LMTK3: variants seen among roughly 807,000 people sequenced by gnomAD.
LMTK3 encodes the protein serine/threonine-protein kinase LMTK3.
LMTK3 carries 27 observed loss-of-function variants against 116.7 expected under a neutral mutation model. The observed-to-expected ratio is 0.23, with a 90% confidence interval of 0.17 to 0.32. The LOEUF is 0.32. Ranked by LOEUF, LMTK3 falls within the 10% of genes least tolerant of loss-of-function variation. The pLI, the probability that LMTK3 is intolerant of heterozygous loss-of-function variation, is 1.00. For missense variants in LMTK3, 1,764 were observed against 2,068.5 expected (o/e 0.85, Z 2.86); for synonymous variants, 965 against 971.0 (o/e 0.99, Z 0.11).
rs934308050 is a variant in LMTK3, at chr19:48,497,728, C to T, written c.3341G>A (p.Arg1114Gln). Residue 1114 changes from arginine to glutamine, a missense_variant, in exon 11 of 15, where the codon CGA becomes CAA. By Grantham distance (43) the Arg-to-Gln change is conservative. Transcript: ENST00000600059. This position sits in a 1 kb window ranked among gnomAD's most constrained non-coding sequence, Gnocchi z 5.7. Reference protein sequence around the residue: ...AGRLDLGSGGRAPVGTGTAPG... With the variant: ...AGRLDLGSGGQAPVGTGTAPG... The stretch of plus-strand genomic sequence containing the variant: ...GGCCGTCCCCGTGCCCACTGGGGCT[C>T]GGCCCCCACTCCCGAGGTCCAGCCT... 7.5e-6 allele frequency: 10 copies of T among 1,337,450 alleles called. No individual in the cohort carries two copies. In the African/African-American group the frequency reaches 9.2e-5, roughly 12 times the overall value. The allele number at this position is 1,337,450 out of a possible 1,614,324, so 82.8% of individuals were successfully genotyped here.
Position 48,491,778 on chromosome 19 carries a change from A to G in LMTK3, c.4093-239T>C, listed in dbSNP as rs572679942. On this transcript the variant is annotated intron_variant, in intron 12 of 14. Coordinates refer to ENST00000600059, the MANE Select transcript of LMTK3 (RefSeq NM_001388485.1). The surrounding 1 kb of genome is among the most constrained non-coding windows in gnomAD (Gnocchi z 5.1). ...CTTTCCTGACAGCGGAGCCCCGCGC[A>G]CAGCTAAGTAGCCCAACGCAGGGAT... Among the ~76,000 whole-genome samples, 3 of 152,266 alleles carry G rather than the reference A, an allele frequency of 2.0e-5. No homozygotes were observed. The South Asian group carries it at 6.2e-4, about 32-fold the overall frequency.
intron 5 of LMTK3, among the ~76,000 whole-genome samples, chr19:48,506,257 G>GA (rs768345320): frequency 1.7e-3 from 234 of 135,110 alleles, no homozygotes; most frequent in Middle Eastern, 4.0e-3. Flanking sequence ...AGTGAGCCTT[G>GA]AAAAAAAAAA....
At chr19:48,502,014 C>A (rs886665232) in intron 7 of LMTK3, among the ~76,000 whole-genome samples, 1 of 119,186 alleles carries the variant, frequency 8.4e-6, no homozygotes, top group African/African-American at 3.3e-5. Context: ...CTCTCCTGGA[C>A]CCTCCCCTAT....
chr19:48,501,473 C>T lies in LMTK3; in HGVS notation c.879+5G>A, dbSNP rs780288775. 7.4e-6 allele frequency: 12 copies of T among 1,612,582 alleles called. No individual in the cohort carries two copies. In the Admixed American group the frequency reaches 1.7e-4, roughly 22 times the overall value. On this transcript the variant is annotated splice_donor_5th_base_variant and intron_variant, in intron 8 of 14. Coordinates refer to ENST00000600059, the MANE Select transcript of LMTK3 (RefSeq NM_001388485.1). ...AGCCCCCATCCCGACGGAAGGAAGC[C>T]CTACCTTGTAGTTGCTGTGGGCCAG...
rs1010011382 is a variant in LMTK3, at chr19:48,498,805, G to T, written c.2264C>A (p.Pro755His). ...GGGGGCCCGAGGAGGTGGCGGCGGG[G>T]GGGGGGGAGCGGGAGGTGGCCCCCG... Reference protein sequence around the residue: ...PGRGPPPAPPPPPPPPRAPAD... With the variant: ...PGRGPPPAPPHPPPPPRAPAD... The change falls in exon 11 of 15, where the codon CCC becomes CAC. Residue 755 changes from proline (P) to histidine (H), a missense_variant. By Grantham distance (77) the Pro-to-His change is moderately conservative. This residue lies in a region of LMTK3 where 1,028 missense variants were observed against 1,050.6 expected (regional missense o/e 0.98). Coordinates refer to ENST00000600059, the MANE Select transcript of LMTK3 (RefSeq NM_001388485.1). 20 of 1,231,160 alleles carry T rather than the reference G, an allele frequency of 1.6e-5. No individual in the cohort carries two copies. The highest frequency in any genetic ancestry group is 6.5e-5 in the African/African-American group (4 of 61,868). 76.3% of individuals were successfully genotyped at this position (1,231,160 alleles called of 1,614,324 possible).
In LMTK3 at chr19:48,511,491, A is replaced by G; in HGVS notation, c.76+10T>C. On this transcript the variant is annotated intron_variant, in intron 1 of 14. Transcript: ENST00000600059. ...GGCCACCGGACAGACTGATGGCCCGACAGACTCACCGGGGTGGGCCGGGGA... is the reference window on the plus strand; with the variant it reads ...GGCCACCGGACAGACTGATGGCCCGGCAGACTCACCGGGGTGGGCCGGGGA... 3.0e-6 allele frequency: 4 copies of G among 1,346,430 alleles called. No individual in the cohort carries two copies. The highest frequency in any genetic ancestry group is 3.9e-6 in the Non-Finnish European group (4 of 1,031,000). 83.4% of individuals were successfully genotyped at this position (1,346,430 alleles called of 1,614,324 possible).
Position 48,500,873 on chromosome 19 carries a change from C to T in LMTK3, c.1151+123G>A. The T allele has an allele frequency of 6.1e-6, 6 of 975,746 alleles. No individual in the cohort carries two copies. The highest frequency in any genetic ancestry group is 8.7e-6 in the Non-Finnish European group (6 of 687,994). 60.4% of individuals were successfully genotyped at this position (975,746 alleles called of 1,614,324 possible). A position where few individuals can be genotyped will look rare whatever the true frequency, so the allele number is the denominator to read the frequency against. ...GGCAGAAAGGGTGGGGACAGCCCCTCTTCACTCTTGAGGGGTATGGAGGGC... is the reference window on the plus strand; with the variant it reads ...GGCAGAAAGGGTGGGGACAGCCCCTTTTCACTCTTGAGGGGTATGGAGGGC... On this transcript the variant is annotated intron_variant, in intron 10 of 14. Transcript: ENST00000600059. The surrounding 1 kb of genome is among the most constrained non-coding windows in gnomAD (Gnocchi z 4.0).
rs961394486 is a variant in LMTK3, at chr19:48,497,636, G to A, written c.3433C>T (p.Pro1145Ser). 1 of 1,299,754 alleles carries A rather than the reference G, an allele frequency of 7.7e-7. No homozygotes were observed. Among genetic ancestry groups the A allele is most frequent in the African/African-American group, 1.5e-5 (1 of 64,868 alleles). The allele number at this position is 1,299,754 out of a possible 1,614,324, so 80.5% of individuals were successfully genotyped here. The change falls in exon 11 of 15, where the codon CCA becomes TCA. Residue 1145 changes from proline to serine, a missense_variant. Physicochemically the swap from Pro to Ser is moderately conservative, Grantham distance 74 (BLOSUM62 -1). This residue lies in a region of LMTK3 where 1,028 missense variants were observed against 1,050.6 expected (regional missense o/e 0.98). Transcript: ENST00000600059. This position sits in a 1 kb window ranked among gnomAD's most constrained non-coding sequence, Gnocchi z 5.7. ...AGWVDNTRPQPPPPPLPPPPE... is the reference protein window; with the variant it reads ...AGWVDNTRPQSPPPPLPPPPE... ...GGCGGTGGCAGCGGTGGCGGCGGTGGCTGCGGCCTCGTGTTGTCTACCCAT... is the reference window on the plus strand; with the variant it reads ...GGCGGTGGCAGCGGTGGCGGCGGTGACTGCGGCCTCGTGTTGTCTACCCAT...
At position 48,494,584 on chromosome 19, in the gene LMTK3, C is replaced by T. The variant is rs978664884; in HGVS notation, c.3677-475G>A. ...GACCTTATGATCTGCCCTCTTTGGCCTCCCAAAGTGCTGGGATTACAGGCA... is the reference window on the plus strand; with the variant it reads ...GACCTTATGATCTGCCCTCTTTGGCTTCCCAAAGTGCTGGGATTACAGGCA... On this transcript the variant is annotated intron_variant, in intron 11 of 14. Coordinates refer to ENST00000600059, the MANE Select transcript of LMTK3 (RefSeq NM_001388485.1). The surrounding 1 kb of genome is among the most constrained non-coding windows in gnomAD (Gnocchi z 4.0). Among the ~76,000 whole-genome samples the T allele has an allele frequency of 3.9e-5, 6 of 152,150 alleles. No individual in the cohort carries two copies. The highest frequency in any genetic ancestry group is 1.4e-4 in the African/African-American group (6 of 41,418).
In LMTK3 at chr19:48,499,518, C is replaced by A. The variant is rs1355469918; in HGVS notation, c.1551G>T (p.Ala517=). The change falls in exon 11 of 15, where the codon GCG becomes GCT. Residue 517 remains alanine (A), a synonymous_variant. Coordinates refer to ENST00000600059, the MANE Select transcript of LMTK3 (RefSeq NM_001388485.1). ...HANPSNPFYE[A]LSTPSVLPVI... ...CAGGCAGCACGCTGGGCGTGGACAG[C>A]GCCTCGTAGAAAGGGTTGGAGGGGT... 5 of 1,475,440 alleles carry A rather than the reference C, an allele frequency of 3.4e-6. No homozygotes were observed. Among genetic ancestry groups the A allele is most frequent in the Non-Finnish European group, 4.5e-6 (5 of 1,112,940 alleles). 91.4% of individuals were successfully genotyped at this position (1,475,440 alleles called of 1,614,324 possible).
At chr19:48,493,461 G>T (rs1371258441) in intron 12 of LMTK3, among the ~76,000 whole-genome samples, 1 of 94,500 alleles carries the variant, frequency 1.1e-5, no homozygotes, top group Middle Eastern at 8.8e-3. Flanking sequence ...TCCAGGCCCC[G>T]CATCACTCCA....
Position 48,491,614 on chromosome 19 carries a change from C to T in LMTK3, c.4093-75G>A. On this transcript the variant is annotated intron_variant, in intron 12 of 14. Coordinates refer to ENST00000600059, the MANE Select transcript of LMTK3 (RefSeq NM_001388485.1). This position sits in a 1 kb window ranked among gnomAD's most constrained non-coding sequence, Gnocchi z 5.1. ...CATTTACCGCATCCCCCAAAAGCAA[C>T]AAAACCGGCTAATATTTCTGGGGCT... 8.2e-7 allele frequency: 1 copy of T among 1,222,528 alleles called. No homozygotes were observed. The highest frequency in any genetic ancestry group is 3.1e-5 in the East Asian group (1 of 31,810). The allele number at this position is 1,222,528 out of a possible 1,614,324, so 75.7% of individuals were successfully genotyped here.
Position 48,499,769 on chromosome 19 carries a change from G to A in LMTK3, c.1300C>T (p.Pro434Ser). Residue 434 changes from proline (P) to serine (S), a missense_variant, in exon 11 of 15, where the codon CCC becomes TCC. Physicochemically the swap from Pro to Ser is moderately conservative, Grantham distance 74. Coordinates refer to ENST00000600059, the MANE Select transcript of LMTK3 (RefSeq NM_001388485.1). ...GGCGCACTGTGTGCAGGGGGCCAGGGCCAGGGGAAGGGACCGTCTCGGGGT... is the reference window on the plus strand; with the variant it reads ...GGCGCACTGTGTGCAGGGGGCCAGGACCAGGGGAAGGGACCGTCTCGGGGT... ...PPPRDGPFPWPWPPAHSAPRP... is the reference protein window; with the variant it reads ...PPPRDGPFPWSWPPAHSAPRP... 6.6e-7 allele frequency: 1 copy of A among 1,505,506 alleles called. No homozygotes were observed. Among genetic ancestry groups the A allele is most frequent in the Non-Finnish European group, 8.9e-7 (1 of 1,118,688 alleles). The allele number at this position is 1,505,506 out of a possible 1,614,324, so 93.3% of individuals were successfully genotyped here. A position where few individuals can be genotyped will look rare whatever the true frequency, so the allele number is the denominator to read the frequency against.
intron 5 of LMTK3, among the ~76,000 whole-genome samples, chr19:48,503,929 G>T (rs545143042): frequency 6.5e-4 from 98 of 150,558 alleles, no homozygotes; most frequent in African/African-American, 2.3e-3. Flanking sequence ...GTGCAATGGA[G>T]TGATCTCAGC....
Position 48,491,386 on chromosome 19 carries a change from C to T in LMTK3, c.4228+18G>A, listed in dbSNP as rs1224451268. The T allele has an allele frequency of 1.5e-6, 2 of 1,377,174 alleles. No individual in the cohort carries two copies. Among genetic ancestry groups the T allele is most frequent in the Non-Finnish European group, 1.9e-6 (2 of 1,063,726 alleles). 85.3% of individuals were successfully genotyped at this position (1,377,174 alleles called of 1,614,324 possible). A position where few individuals can be genotyped will look rare whatever the true frequency, so the allele number is the denominator to read the frequency against. The stretch of plus-strand genomic sequence containing the variant: ...CCATGGCTCCCGCCCCCTCCCGCCC[C>T]ATAGGGCCCGTCCTCACCAAAGCCG... On this transcript the variant is annotated intron_variant, in intron 13 of 14. Transcript: ENST00000600059. This position sits in a 1 kb window ranked among gnomAD's most constrained non-coding sequence, Gnocchi z 5.1.
Position 48,510,095 on chromosome 19 carries a change from G to A in LMTK3, c.289C>T (p.Leu97=), listed in dbSNP as rs1459030301. Residue 97 remains leucine, a synonymous_variant, in exon 3 of 15, where the codon CTG becomes TTG. Coordinates refer to ENST00000600059, the MANE Select transcript of LMTK3 (RefSeq NM_001388485.1). ...AGCGGGAGAATGTAGACATCAGGCAGCGACTGTGAGGAGGAGGTCTCCTCC... is the reference window on the plus strand; with the variant it reads ...AGCGGGAGAATGTAGACATCAGGCAACGACTGTGAGGAGGAGGTCTCCTCC... ...PAEETSSSQS[L]PDVYILPLAE... is the part of the protein sequence containing the mutation. The A allele has an allele frequency of 6.2e-7, 1 of 1,613,966 alleles. No individual in the cohort carries two copies. Among genetic ancestry groups the A allele is most frequent in the Non-Finnish European group, 8.5e-7 (1 of 1,179,868 alleles).
At chr19:48,511,856 G>A (rs560804854), upstream of LMTK3, 2 of 236,048 alleles carry the variant, frequency 8.5e-6, no homozygotes, top group East Asian at 7.6e-5. Flanking sequence ...GGGTAGGATG[G>A]GGGGGGCGAG....
chr19:48,501,322 G>T lies in LMTK3; in HGVS notation c.962C>A (p.Thr321Asn). ...APELLGELHG[T>N]FMVVDQSRES... The stretch of plus-strand genomic sequence containing the variant: ...GCGGCTCTGGTCCACCACCATGAAG[G>T]TCCCGTGGAGCTCCCCGAGGAGCTC... Residue 321 changes from threonine (T) to asparagine (N), a missense_variant, in exon 9 of 15, where the codon ACC becomes AAC. By Grantham distance (65) the Thr-to-Asn change is moderately conservative. Transcript: ENST00000600059. 6.2e-7 allele frequency: 1 copy of T among 1,613,532 alleles called. No homozygotes were observed. Among genetic ancestry groups the T allele is most frequent in the Non-Finnish European group, 8.5e-7 (1 of 1,179,792 alleles).
chr19:48,499,622 TCTC>T lies in LMTK3; in HGVS notation c.1444_1446del (p.Glu482del). 2 of 1,539,556 alleles carry T rather than the reference TCTC, an allele frequency of 1.3e-6. No homozygotes were observed. Among genetic ancestry groups the T allele is most frequent in the Non-Finnish European group, 1.7e-6 (2 of 1,143,100 alleles). On this transcript the variant is annotated inframe_deletion, in exon 11 of 15. Transcript: ENST00000600059. Reference sequence around the variant, plus strand: ...CCCCGGCCGGCCCCACGCCGGGCCTTCTCCCACAGGCACTCGAGGTTGAGGCCG... The same window carrying T: ...CCCCGGCCGGCCCCACGCCGGGCCTTCCACAGGCACTCGAGGTTGAGGCCG...
Sources: gnomAD v4.1 joint callset for allele counts (sites outside exome capture counted in the v4.1 genomes callset) on GRCh38, gnomAD v4.1.1 for gene constraint, gnomAD v4.1.1 regional missense constraint, Gnocchi (gnomAD v3.1) non-coding constraint, MANE v1.5 for transcripts, NCBI Gene and HGNC (gene_info 2026-07-23, HGNC 2026-07-21) for gene names.